ZBTB40: variants seen among roughly 807,000 people sequenced by gnomAD.
ZBTB40 encodes the protein zinc finger and BTB domain containing 40.
In ZBTB40, 60 loss-of-function variants were observed where a neutral mutation model predicts 117.5. That is an observed-to-expected ratio of 0.51 (90% CI 0.41 to 0.63). The LOEUF is 0.63. Ranked by LOEUF, ZBTB40 falls within the 30% of genes least tolerant of loss-of-function variation. The probability of loss-of-function intolerance (pLI) is 0.00; values close to 1 mark genes in which losing one functional copy is unlikely to be tolerated. For synonymous variants in ZBTB40, 525 were observed against 577.1 expected (o/e 0.91, Z 1.29); for missense variants, 1,287 against 1,498.5 (o/e 0.86, Z 2.33).
intron 13 of ZBTB40, among the ~76,000 whole-genome samples, chr1:22,518,261 C>T (rs533833466): frequency 4.8e-4 from 73 of 152,296 alleles, no homozygotes; most frequent in Non-Finnish European, 9.3e-4. Flanking sequence ...TTGACCCTGA[C>T]GCTTACTTTT....
intron 1 of ZBTB40, among the ~76,000 whole-genome samples, chr1:22,477,101 T>C (rs961330216): frequency 1.3e-5 from 2 of 152,222 alleles, no homozygotes; most frequent in Non-Finnish European, 2.9e-5. Context: ...TGTATTTCCA[T>C]AGCCCCCAAA....
Position 22,508,612 on chromosome 1 carries a change from T to C in ZBTB40, c.1580T>C (p.Leu527Pro). 6.2e-7 allele frequency: 1 copy of C among 1,614,202 alleles called. No homozygotes were observed. Among genetic ancestry groups the C allele is most frequent in the Non-Finnish European group, 8.5e-7 (1 of 1,180,036 alleles). ...LISAVLEKQT[L>P]SATAIWQLLL... ...TCAGCAGTTCTAGAAAAGCAGACTC[T>C]CTCTGCCACAGCCATTTGGCAACTG... The change falls in exon 8 of 18, where the codon CTC becomes CCC. Residue 527 changes from leucine to proline, a missense_variant. By Grantham distance (98) the Leu-to-Pro change is moderately conservative. Around this residue, in one of 2 missense-constraint regions of ZBTB40, gnomAD observed 870 missense variants for 934.4 expected, o/e 0.93. Coordinates refer to ENST00000375647, the MANE Select transcript of ZBTB40 (RefSeq NM_014870.4).
chr1:22,455,491 C>G (rs1305849527), intron 1 of ZBTB40, among the ~76,000 whole-genome samples: 1 of 152,132 alleles, frequency 6.6e-6, no homozygotes, highest in Non-Finnish European at 1.5e-5. Context: ...ACATTCTAAC[C>G]CTGCAAACGG....
intron 13 of ZBTB40, among the ~76,000 whole-genome samples, chr1:22,518,999 C>A (rs1405495159): frequency 6.6e-6 from 1 of 152,192 alleles, no homozygotes; most frequent in African/African-American, 2.4e-5. Flanking sequence ...AGGCCCCCCT[C>A]TCTCTCCCAT....
chr1:22,464,325 C>G (rs1641202187), intron 1 of ZBTB40, among the ~76,000 whole-genome samples: 1 of 152,198 alleles, frequency 6.6e-6, no homozygotes, highest in Non-Finnish European at 1.5e-5. Context: ...CGTGGGCCCT[C>G]TCCCCCAGAA....
rs1639813333 is a variant in ZBTB40, at chr1:22,530,982, T to C, written c.*4586T>C. 1 of 152,218 alleles carries C rather than the reference T, an allele frequency of 6.6e-6. No homozygotes were observed. Among genetic ancestry groups the C allele is most frequent in the South Asian group, 2.1e-4 (1 of 4,828 alleles). 9.4% of individuals were successfully genotyped at this position (152,218 alleles called of 1,614,324 possible). On this transcript the variant is annotated 3_prime_UTR_variant, in exon 18 of 18. Transcript: ENST00000375647. ...CTGTCCCGCTGTCTAACTGACATTG[T>C]GTGAGATGCTTACTCTCTCTGAGCT...
At chr1:22,460,528 C>T (rs1641106010) in intron 1 of ZBTB40, among the ~76,000 whole-genome samples, 1 of 151,966 alleles carries the variant, frequency 6.6e-6, no homozygotes, top group South Asian at 2.1e-4. Flanking sequence ...TTCATGTAAC[C>T]CTCACAACAA....
At chr1:22,433,014 T>C in intron 1 of ZBTB40, among the ~76,000 whole-genome samples, 1 of 152,232 alleles carries the variant, frequency 6.6e-6, no homozygotes, top group Non-Finnish European at 1.5e-5. Flanking sequence ...CCCTGTTCTA[T>C]ATCTTTGTAA....
intron 1 of ZBTB40, among the ~76,000 whole-genome samples, chr1:22,445,224 T>A (rs1640774008): frequency 6.6e-6 from 1 of 152,120 alleles, no homozygotes; most frequent in African/African-American, 2.4e-5. Flanking sequence ...TATTTTTGAT[T>A]TACAGGTTTT....
chr1:22,454,583 A>C (rs544434495), intron 1 of ZBTB40, among the ~76,000 whole-genome samples: 2 of 152,358 alleles, frequency 1.3e-5, no homozygotes, highest in East Asian at 3.9e-4. Context: ...GCTGGGAGGA[A>C]GAACTTTTCA....
intron 1 of ZBTB40, among the ~76,000 whole-genome samples, chr1:22,468,590 C>G (rs550710294): frequency 7.0e-6 from 1 of 142,672 alleles, no homozygotes; most frequent in South Asian, 2.2e-4. Flanking sequence ...ATCCTCCTCC[C>G]TCAGCCTTCC....
chr1:22,453,980 C>T (rs368977372), intron 1 of ZBTB40, among the ~76,000 whole-genome samples: 6 of 152,242 alleles, frequency 3.9e-5, no homozygotes, highest in South Asian at 4.1e-4. Context: ...GACAGAGTCT[C>T]GCTGTGTTGC....
chr1:22,475,005 C>T (rs1303715700), intron 1 of ZBTB40, among the ~76,000 whole-genome samples: 2 of 150,402 alleles, frequency 1.3e-5, no homozygotes, highest in Non-Finnish European at 2.9e-5. Flanking sequence ...TGTCTCAGAC[C>T]ACGGGATAGG....
intron 3 of ZBTB40, among the ~76,000 whole-genome samples, chr1:22,500,581 T>G (rs941856740): frequency 6.6e-6 from 1 of 152,226 alleles, no homozygotes. Flanking sequence ...CAAGTTCTTA[T>G]CCCACATACT....
intron 1 of ZBTB40, among the ~76,000 whole-genome samples, chr1:22,435,237 G>A (rs1557470644): frequency 6.6e-6 from 1 of 152,152 alleles, no homozygotes; most frequent in Admixed American, 6.5e-5. Flanking sequence ...CTGAGCTCAA[G>A]TGATCCTCCT....
intron 1 of ZBTB40, among the ~76,000 whole-genome samples, chr1:22,437,580 C>T (rs145027483): frequency 6.6e-5 from 10 of 151,884 alleles, no homozygotes; most frequent in African/African-American, 1.9e-4. Flanking sequence ...CCACTACACC[C>T]GGCTAATTTT....
intron 1 of ZBTB40, among the ~76,000 whole-genome samples, chr1:22,480,582 C>T (rs1638271003): frequency 6.6e-6 from 1 of 150,742 alleles, no homozygotes; most frequent in East Asian, 2.0e-4. Context: ...GATCTCCTGA[C>T]CTCGTGATCT....
At chr1:22,440,655 TAGCTTGTTG>T (rs1264841631) in intron 1 of ZBTB40, among the ~76,000 whole-genome samples, 1 of 149,934 alleles carries the variant, frequency 6.7e-6, no homozygotes, top group Non-Finnish European at 1.5e-5. Flanking sequence ...CTTTCATTCC[TAGCTTGTTG>T]AGTGTTTTTT....
intron 1 of ZBTB40, among the ~76,000 whole-genome samples, chr1:22,479,062 C>T (rs1641617947): frequency 6.6e-6 from 1 of 152,138 alleles, no homozygotes; most frequent in South Asian, 2.1e-4. Flanking sequence ...TCTTTTGTTT[C>T]TGGCTTCTTT....
Sources: allele counts gnomAD v4.1 joint callset (sites outside exome capture counted in the v4.1 genomes callset), GRCh38; gene constraint gnomAD v4.1.1; regional missense constraint gnomAD v4.1.1; transcripts MANE v1.5; gene names NCBI Gene and HGNC (gene_info 2026-07-23, HGNC 2026-07-21).